Variants in RGS6 observed in about 807,000 individuals in gnomAD.
RGS6 encodes regulator of G protein signaling 6, also known as regulator of G-protein signaling 6.
A neutral mutation model predicts 78.5 loss-of-function variants in RGS6; 30 were observed. The observed-to-expected ratio is 0.38, with a 90% CI of 0.29 to 0.52. The LOEUF (loss-of-function observed/expected upper bound fraction) is 0.52. Ranked by LOEUF, RGS6 falls within the 20% of genes least tolerant of loss-of-function variation. The pLI is 0.85. For missense variants in RGS6, 495 were observed against 609.7 expected, an observed-to-expected ratio of 0.81 and a Z score of 1.98; for synonymous variants, 206 against 206.0, an observed-to-expected ratio of 1.00 and a Z score of 0.00.
chr14:71,946,137 T>C (rs1200945485), intron 1 of RGS6, among the ~76,000 whole-genome samples: 1 of 152,114 alleles, frequency 6.6e-6, no homozygotes, highest in Non-Finnish European at 1.5e-5. Context: ...TTTTTTTAGG[T>C]GAAGGGACTT....
At chr14:72,314,554 A>G (rs754667515) in intron 2 of RGS6, among the ~76,000 whole-genome samples, 16 of 148,870 alleles carry the variant, frequency 1.1e-4, no homozygotes, top group Non-Finnish European at 1.6e-4. Flanking sequence ...TGGGGGAGAC[A>G]GCTCTAGAGT....
chr14:72,141,894 A>T (rs1436274479), intron 2 of RGS6, among the ~76,000 whole-genome samples: 1 of 82,380 alleles, frequency 1.2e-5, no homozygotes, highest in Non-Finnish European at 2.6e-5. Flanking sequence ...TTTTACATTA[A>T]AAAAAAAAAA....
At chr14:72,445,750 G>A (rs190778108) in intron 3 of RGS6, among the ~76,000 whole-genome samples, 1 of 152,284 alleles carries the variant, frequency 6.6e-6, no homozygotes, top group Admixed American at 6.5e-5. Context: ...CTCCATGCCA[G>A]GGACAGAACT....
At position 72,072,560 on chromosome 14, in the gene RGS6, C is replaced by T. The variant is rs553761812; in HGVS notation, c.84+107685C>T. 1.4e-4 allele frequency among the ~76,000 whole-genome samples: 22 copies of T among 152,166 alleles called. No individual in the cohort carries two copies. In the East Asian group the frequency reaches 1.7e-3, roughly 12 times the overall value. On this transcript the variant is annotated intron_variant, in intron 2 of 17. Coordinates refer to ENST00000553525, the MANE Select transcript of RGS6 (RefSeq NM_001204424.2). ...CTGACCTCAGGTGATCCACCTGCCC[C>T]GGCCTCCCAAAGTGCTGGGATTACA...
intron 2 of RGS6, among the ~76,000 whole-genome samples, chr14:71,974,138 A>G (rs759480101): frequency 6.6e-6 from 1 of 152,148 alleles, no homozygotes; most frequent in Non-Finnish European, 1.5e-5. Flanking sequence ...CCTTTGCAGT[A>G]TTCTTACACT....
At chr14:72,111,988 C>T (rs1013391290) in intron 2 of RGS6, among the ~76,000 whole-genome samples, 2 of 152,198 alleles carry the variant, frequency 1.3e-5, no homozygotes, top group African/African-American at 4.8e-5. Flanking sequence ...TCCTTGGCTA[C>T]AGTGCAATTT....
At chr14:71,947,878 A>G (rs941784867) in intron 1 of RGS6, among the ~76,000 whole-genome samples, 3 of 152,242 alleles carry the variant, frequency 2.0e-5, no homozygotes, top group Admixed American at 2.0e-4. Context: ...GGATAAAACT[A>G]GAAGTGCAAG....
At chr14:72,247,213 T>A (rs2054456319) in intron 2 of RGS6, among the ~76,000 whole-genome samples, 1 of 152,204 alleles carries the variant, frequency 6.6e-6, no homozygotes, top group Non-Finnish European at 1.5e-5. Context: ...CAGCTTAGAC[T>A]TTTTCTAATA....
chr14:72,554,165 A>ATTGT (rs1328894667), intron 17 of RGS6, among the ~76,000 whole-genome samples: 1 of 152,202 alleles, frequency 6.6e-6, no homozygotes, highest in Non-Finnish European at 1.5e-5. Flanking sequence ...CATTCACTGA[A>ATTGT]TTGTTATGCT....
intron 2 of RGS6, among the ~76,000 whole-genome samples, chr14:72,269,958 A>G (rs538555925): frequency 3.9e-5 from 6 of 152,358 alleles, no homozygotes; most frequent in South Asian, 2.1e-4. Flanking sequence ...AAAATAGCAT[A>G]TATGTCCTGC....
intron 2 of RGS6, among the ~76,000 whole-genome samples, chr14:72,015,594 A>AG (rs2153233380): frequency 6.6e-6 from 1 of 152,340 alleles, no homozygotes; most frequent in East Asian, 1.9e-4. Context: ...TATGTACTAG[A>AG]GGTTGTCTAG....
intron 2 of RGS6, among the ~76,000 whole-genome samples, chr14:72,209,978 A>G (rs969732092): frequency 4.6e-5 from 7 of 152,212 alleles, no homozygotes; most frequent in African/African-American, 1.7e-4. Context: ...TTATTGCCAT[A>G]TTAGGTAGAT....
At chr14:72,370,364 T>C (rs1273444750) in intron 3 of RGS6, among the ~76,000 whole-genome samples, 2 of 152,182 alleles carry the variant, frequency 1.3e-5, no homozygotes, top group Non-Finnish European at 2.9e-5. Context: ...CCATAGGGGT[T>C]GTGGATTTGC....
intron 3 of RGS6, among the ~76,000 whole-genome samples, chr14:72,359,069 G>A (rs111528894): frequency 9.2e-5 from 14 of 152,300 alleles, no homozygotes; most frequent in Admixed American, 7.2e-4. Context: ...CCTTGCTGCT[G>A]CCATGTGAAG....
At chr14:72,163,637 T>G (rs1598649554) in intron 2 of RGS6, among the ~76,000 whole-genome samples, 1 of 152,102 alleles carries the variant, frequency 6.6e-6, no homozygotes, top group Admixed American at 6.5e-5. Flanking sequence ...GTAATCCCAG[T>G]ACTTTGGGAG....
intron 2 of RGS6, among the ~76,000 whole-genome samples, chr14:72,181,551 A>G (rs985882933): frequency 6.6e-6 from 1 of 152,172 alleles, no homozygotes; most frequent in Non-Finnish European, 1.5e-5. Context: ...ACCTATGTAT[A>G]CCATGGAATG....
chr14:71,902,392 T>C, the RGS6 span, among the ~76,000 whole-genome samples: 1 of 152,160 alleles, frequency 6.6e-6, no homozygotes, highest in Admixed American at 6.5e-5. Context: ...CAAAACCTTT[T>C]TTGAGCCTCG....
chr14:72,357,057 G>T (rs572752569), intron 3 of RGS6, among the ~76,000 whole-genome samples: 2 of 152,204 alleles, frequency 1.3e-5, no homozygotes, highest in African/African-American at 4.8e-5. Flanking sequence ...GATCATTTGA[G>T]GTCGGGAGTT....
chr14:72,221,115 T>G (rs1488927175), intron 2 of RGS6, among the ~76,000 whole-genome samples: 1 of 152,186 alleles, frequency 6.6e-6, no homozygotes, highest in Non-Finnish European at 1.5e-5. Flanking sequence ...TGAAGTCAGA[T>G]CCCAGTGTGT....
Sources: gnomAD v4.1 joint callset for allele counts (sites outside exome capture counted in the v4.1 genomes callset) on GRCh38, gnomAD v4.1.1 for gene constraint, MANE v1.5 for transcripts, NCBI Gene and HGNC (gene_info 2026-07-23, HGNC 2026-07-21) for gene names.